The following TMEM44 variants were observed in gnomAD, a reference collection of about 807,000 sequenced individuals.
The protein encoded by TMEM44 is transmembrane protein 44.
TMEM44 carries 43 observed loss-of-function variants against 47.8 expected under a neutral mutation model. The observed-to-expected ratio is 0.90, with a 90% confidence interval of 0.70 to 1.16. The LOEUF (loss-of-function observed/expected upper bound fraction) is 1.16. TMEM44 is among the 50% of genes most tolerant of loss of function. TMEM44 has a pLI of 0.00. For missense variants in TMEM44, 568 were observed against 555.2 expected, an observed-to-expected ratio of 1.02 and a Z score of -0.23; for synonymous variants, 277 against 238.8, an observed-to-expected ratio of 1.16 and a Z score of -1.48.
chr3:194,610,818 C>G (rs550238156), intron 8 of TMEM44, 98 bp downstream of exon 8: 5 of 1,054,354 alleles, frequency 4.7e-6, no homozygotes, highest in Non-Finnish European at 7.1e-6. Context: ...TTGTTTTCTC[C>G]TGCTCATCCC....
chr3:194,613,615 C>G (rs971235098), intron 7 of TMEM44, among the ~76,000 whole-genome samples: 1 of 151,434 alleles, frequency 6.6e-6, no homozygotes. Context: ...GCCTCAGCCT[C>G]CTGAGTAGCT....
chr3:194,617,958 C>G (rs943307007), intron 5 of TMEM44, among the ~76,000 whole-genome samples: 1 of 152,218 alleles, frequency 6.6e-6, no homozygotes, highest in African/African-American at 2.4e-5. Context: ...TCACACTTTG[C>G]CTTCCGCCAT....
chr3:194,594,169 C>A (rs919769623), intron 9 of TMEM44, among the ~76,000 whole-genome samples: 9 of 53,002 alleles, frequency 1.7e-4, no homozygotes, highest in Admixed American at 4.3e-4. Context: ...CTATCTATAT[C>A]TATCTATCTG....
At chr3:194,627,433 C>T (rs1269260142) in intron 2 of TMEM44, among the ~76,000 whole-genome samples, 1 of 67,022 alleles carries the variant, frequency 1.5e-5, no homozygotes, top group Admixed American at 1.5e-4. Flanking sequence ...GGGATAGGAG[C>T]CTTCCACACA....
At chr3:194,632,689 C>T (rs1166156934) in intron 1 of TMEM44, among the ~76,000 whole-genome samples, 1 of 152,206 alleles carries the variant, frequency 6.6e-6, no homozygotes, top group Non-Finnish European at 1.5e-5. Context: ...AGTGCTTTAA[C>T]GGTACTGATT....
chr3:194,617,037 A>G, intron 6 of TMEM44, 62 bp downstream of exon 6: 8 of 1,420,406 alleles, frequency 5.6e-6, no homozygotes, highest in Non-Finnish European at 7.4e-6. Flanking sequence ...GGGCAGTGAG[A>G]GGACGAGACA....
At chr3:194,604,780 G>A (rs767217920) in intron 8 of TMEM44, among the ~76,000 whole-genome samples, 6 of 152,200 alleles carry the variant, frequency 3.9e-5, no homozygotes, top group Non-Finnish European at 8.8e-5. Context: ...TGTATCAGAA[G>A]ATTTGGGAGG....
At chr3:194,618,570 T>C (rs1420351927) in intron 5 of TMEM44, among the ~76,000 whole-genome samples, 1 of 148,334 alleles carries the variant, frequency 6.7e-6, no homozygotes, top group East Asian at 1.9e-4. Context: ...AGTTTATATA[T>C]AATTTAGTTT....
chr3:194,606,815 A>T (rs917232435), intron 8 of TMEM44, among the ~76,000 whole-genome samples: 3 of 151,930 alleles, frequency 2.0e-5, no homozygotes, highest in Non-Finnish European at 2.9e-5. Flanking sequence ...GCATGGTGGC[A>T]TATGCCCATA....
intron 9 of TMEM44, among the ~76,000 whole-genome samples, chr3:194,593,448 A>G (rs753399386): frequency 1.3e-5 from 2 of 152,192 alleles, no homozygotes; most frequent in Non-Finnish European, 1.5e-5. Flanking sequence ...ACTCAAACCC[A>G]TAAAACTGAG....
chr3:194,628,285 C>CA, intron 2 of TMEM44, 98 bp downstream of exon 2: 1 of 1,470,540 alleles, frequency 6.8e-7, no homozygotes, highest in Admixed American at 2.2e-5. Context: ...ATGCATGTTG[C>CA]AGCAACAAGA....
rs1177987924 is a variant in TMEM44, at chr3:194,633,032, G to A, written c.137+47C>T. The A allele has an allele frequency of 8.5e-6, 5 of 585,202 alleles. No homozygotes were observed. The Admixed American group carries it at 1.6e-4, about 18-fold the overall frequency. The allele number at this position is 585,202 out of a possible 1,614,324, so 36.3% of individuals were successfully genotyped here. A position where few individuals can be genotyped will look rare whatever the true frequency, so the allele number is the denominator to read the frequency against. The stretch of plus-strand genomic sequence containing the variant: ...TCCGAGAGGGAGCAGCAGGGGATTG[G>A]CGCCCGTTTCCCCGCCCGACAGCCC... On this transcript the variant is annotated intron_variant, in intron 1 of 9. Transcript: ENST00000347147.
In TMEM44 at chr3:194,600,507, G is replaced by A. The variant is rs534506571; in HGVS notation, c.1176+3780C>T. Among the ~76,000 whole-genome samples the A allele has an allele frequency of 9.5e-4, 145 of 151,972 alleles. No homozygotes were observed. The Middle Eastern group carries it at 0.014, about 14-fold the overall frequency. ...CTCACGCCTGTAATCCCAGCACTTT[G>A]GGAGGCTGAGGTGGGCAGGTCACGA... On this transcript the variant is annotated intron_variant, in intron 9 of 9. Transcript: ENST00000347147.
intron 8 of TMEM44, among the ~76,000 whole-genome samples, chr3:194,605,308 T>C (rs547851533): frequency 2.6e-4 from 40 of 152,374 alleles, no homozygotes; most frequent in South Asian, 2.1e-4. Flanking sequence ...ATCATTCCAC[T>C]GACACGTGAC....
intron 3 of TMEM44, among the ~76,000 whole-genome samples, chr3:194,624,298 G>C (rs1380637732): frequency 1.3e-5 from 2 of 152,050 alleles, no homozygotes; most frequent in African/African-American, 4.8e-5. Flanking sequence ...GAGTGGCTGG[G>C]ATTCCGGGTG....
chr3:194,618,706 C>T (rs1285022221), intron 5 of TMEM44, among the ~76,000 whole-genome samples: 1 of 151,684 alleles, frequency 6.6e-6, no homozygotes, highest in Non-Finnish European at 1.5e-5. Context: ...GATATATAGG[C>T]CTTGGCTAGG....
chr3:194,610,258 G>A lies in TMEM44; in HGVS notation c.1017+658C>T, dbSNP rs578229285. On this transcript the variant is annotated intron_variant, in intron 8 of 9. Transcript: ENST00000347147. ...AAGATGATAGACTCCGTGTCTAAAC[G>A]ACCCGACCCCTGCCTCCTCCAGCCC... 7.4e-4 allele frequency among the ~76,000 whole-genome samples: 111 copies of A among 150,404 alleles called. 1 individual carries two copies. In the South Asian group the frequency reaches 0.021, roughly 28 times the overall value.
In TMEM44 at chr3:194,629,021, G is replaced by A. The variant is rs1330787779; in HGVS notation, c.138-512C>T. ...CCTACTAAAAATACAAAAATTAGCC[G>A]GGTGTGGTGGCGTGCGCCTGTAATC... On this transcript the variant is annotated intron_variant, in intron 1 of 9. Transcript: ENST00000347147. 4.6e-5 allele frequency among the ~76,000 whole-genome samples: 7 copies of A among 152,158 alleles called. No individual in the cohort carries two copies. The East Asian group carries it at 5.8e-4, about 13-fold the overall frequency.
At chr3:194,626,691 T>G (rs1392018590) in intron 2 of TMEM44, among the ~76,000 whole-genome samples, 1 of 150,122 alleles carries the variant, frequency 6.7e-6, no homozygotes, top group African/African-American at 2.5e-5. Flanking sequence ...GTTTTTTTTT[T>G]TTTTTTTTTT....
Sources: allele counts gnomAD v4.1 joint callset (sites outside exome capture counted in the v4.1 genomes callset), GRCh38; gene constraint gnomAD v4.1.1; transcripts MANE v1.5; gene names NCBI Gene and HGNC (gene_info 2026-07-23, HGNC 2026-07-21).